HYCC2: variants seen among roughly 807,000 people sequenced by gnomAD.
HYCC2 encodes hyccin 2.
the HYCC2 span, among the ~76,000 whole-genome samples, chr2:201,012,525 AT>A: frequency 6.6e-6 from 1 of 152,164 alleles, no homozygotes; most frequent in Non-Finnish European, 1.5e-5. Context: ...CTATTAGGTA[AT>A]TTTTACTAAG....
At chr2:201,021,004 T>C in the HYCC2 span, among the ~76,000 whole-genome samples, 1 of 152,118 alleles carries the variant, frequency 6.6e-6, no homozygotes, top group Non-Finnish European at 1.5e-5. Context: ...CTTGACCTCA[T>C]GATCCACTCC....
the HYCC2 span, chr2:200,996,654 T>A: frequency 6.6e-6 from 1 of 152,164 alleles, no homozygotes; most frequent in Non-Finnish European, 1.5e-5. Flanking sequence ...GAAATTATGA[T>A]TTAGTAAAGA....
At chr2:201,047,445 C>CATATATATAG in the HYCC2 span, among the ~76,000 whole-genome samples, 1 of 139,608 alleles carries the variant, frequency 7.2e-6, no homozygotes, top group African/African-American at 2.8e-5. Context: ...TCACAGTTCT[C>CATATATATAG]ATATATATAT....
chr2:201,033,496 C>T, the HYCC2 span, among the ~76,000 whole-genome samples: 7 of 151,780 alleles, frequency 4.6e-5, no homozygotes, highest in East Asian at 3.9e-4. Flanking sequence ...CTCCGCCTCC[C>T]GGGTTCACGC....
chr2:200,997,865 G>A, the HYCC2 span, among the ~76,000 whole-genome samples: 15 of 152,212 alleles, frequency 9.9e-5, no homozygotes, highest in East Asian at 1.4e-3. Context: ...GTGAAACCCC[G>A]TCTCTATTAA....
the HYCC2 span, chr2:201,017,265 T>C: frequency 1.1e-6 from 1 of 891,980 alleles, no homozygotes; most frequent in Non-Finnish European, 1.6e-6. Context: ...TATAATATTT[T>C]TAAAAGTCTT....
the HYCC2 span, among the ~76,000 whole-genome samples, chr2:201,057,726 GAA>G: frequency 6.9e-6 from 1 of 145,392 alleles, no homozygotes; most frequent in Non-Finnish European, 1.5e-5. Flanking sequence ...AGGAAAGAAG[GAA>G]AAAAAAAAAC....
chr2:201,028,313 G>A, the HYCC2 span, among the ~76,000 whole-genome samples: 4 of 151,970 alleles, frequency 2.6e-5, no homozygotes, highest in Admixed American at 1.3e-4. Flanking sequence ...AAATAAAAGA[G>A]GGCACAAAAA....
At chr2:201,005,501 C>T in the HYCC2 span, among the ~76,000 whole-genome samples, 9 of 152,152 alleles carry the variant, frequency 5.9e-5, no homozygotes, top group South Asian at 6.2e-4. Flanking sequence ...GCAAAAAAAC[C>T]GGAACTACAC....
chr2:201,002,792 G>C, the HYCC2 span, among the ~76,000 whole-genome samples: 9 of 152,204 alleles, frequency 5.9e-5, no homozygotes, highest in Admixed American at 2.0e-4. Context: ...CAAAGTGCTG[G>C]GATTACAAGC....
At chr2:200,988,083 T>C in the HYCC2 span, among the ~76,000 whole-genome samples, 8 of 152,238 alleles carry the variant, frequency 5.3e-5, no homozygotes, top group African/African-American at 1.9e-4. Context: ...TAAACATCTA[T>C]TTTATAAATA....
At chr2:201,000,183 G>C in the HYCC2 span, among the ~76,000 whole-genome samples, 4 of 151,976 alleles carry the variant, frequency 2.6e-5, no homozygotes, top group South Asian at 2.1e-4. Flanking sequence ...GAGCAGCCTG[G>C]GTAACATATT....
the HYCC2 span, among the ~76,000 whole-genome samples, chr2:201,016,447 C>A: frequency 6.6e-6 from 1 of 152,076 alleles, no homozygotes; most frequent in Non-Finnish European, 1.5e-5. Flanking sequence ...TGCCACCATG[C>A]CCAGCTAATT....
chr2:201,012,260 G>T, the HYCC2 span, among the ~76,000 whole-genome samples: 1 of 152,086 alleles, frequency 6.6e-6, no homozygotes, highest in African/African-American at 2.4e-5. Flanking sequence ...AGAAGTTTGA[G>T]ACCAGCCTAG....
chr2:201,058,898 C>A, the HYCC2 span, among the ~76,000 whole-genome samples: 5 of 152,158 alleles, frequency 3.3e-5, no homozygotes, highest in African/African-American at 1.2e-4. Context: ...AATCTATAGA[C>A]TGAGTAAAGC....
the HYCC2 span, among the ~76,000 whole-genome samples, chr2:201,012,063 A>T: frequency 6.6e-6 from 1 of 152,208 alleles, no homozygotes. Context: ...CCTCATAGTT[A>T]TCCCTTTTTT....
the HYCC2 span, among the ~76,000 whole-genome samples, chr2:201,002,521 CAG>C: frequency 6.6e-6 from 1 of 151,546 alleles, no homozygotes; most frequent in Non-Finnish European, 1.5e-5. Flanking sequence ...ACTAAAAAAG[CAG>C]AGATTCTTTT....
the HYCC2 span, among the ~76,000 whole-genome samples, chr2:201,012,646 T>C: frequency 2.9e-3 from 435 of 152,194 alleles, 2 homozygotes; most frequent in African/African-American, 0.01. Flanking sequence ...ATATTCCTGT[T>C]ATAAATAAAT....
At chr2:200,999,102 C>T in the HYCC2 span, among the ~76,000 whole-genome samples, 1 of 152,008 alleles carries the variant, frequency 6.6e-6, no homozygotes, top group Non-Finnish European at 1.5e-5. Flanking sequence ...CAGTTTGCCA[C>T]CAAAATACTA....
Sources: allele counts gnomAD v4.1 joint callset (sites outside exome capture counted in the v4.1 genomes callset), GRCh38; gene constraint gnomAD v4.1.1; transcripts MANE v1.5; gene names NCBI Gene and HGNC (gene_info 2026-07-23, HGNC 2026-07-21).